ACTR3C: variants seen among roughly 807,000 people sequenced by gnomAD.
ACTR3C encodes actin related protein 3C.
A neutral mutation model predicts 26.3 loss-of-function variants in ACTR3C; 18 were observed. That is an observed-to-expected ratio of 0.68 (90% CI 0.47 to 1.01). The LOEUF (loss-of-function observed/expected upper bound fraction) is 1.01, where lower values mean the gene tolerates loss of function less well. ACTR3C is among the 50% of genes least tolerant of loss of function. The pLI is 0.00. For missense variants in ACTR3C, 184 were observed against 250.7 expected, an observed-to-expected ratio of 0.73 and a Z score of 1.80; for synonymous variants, 55 against 94.5, an observed-to-expected ratio of 0.58 and a Z score of 2.42.
the ACTR3C span, among the ~76,000 whole-genome samples, chr7:149,931,869 G>A: frequency 6.6e-6 from 1 of 152,276 alleles, no homozygotes; most frequent in African/African-American, 2.4e-5. Context: ...TTTTATGGTA[G>A]GATAAGGAAG....
At chr7:150,173,623 T>G in the ACTR3C span, among the ~76,000 whole-genome samples, 96 of 146,112 alleles carry the variant, frequency 6.6e-4, no homozygotes, top group Non-Finnish European at 1.2e-3. Context: ...GGTTCCTCAT[T>G]ACTTATGCAC....
chr7:150,119,266 T>C, the ACTR3C span, among the ~76,000 whole-genome samples: 1 of 152,172 alleles, frequency 6.6e-6, no homozygotes. Flanking sequence ...ATGCACTAAA[T>C]GCCCCAATTA....
chr7:150,291,785 G>T lies in ACTR3C; in HGVS notation c.153+1527C>A, dbSNP rs558489829. Among the ~76,000 whole-genome samples, 551 of 151,928 alleles carry T rather than the reference G, an allele frequency of 3.6e-3. 6 individuals carry two copies. The highest frequency in any genetic ancestry group is 0.013 in the African/African-American group (519 of 41,296). Reference sequence around the variant, plus strand: ...TGAGGAAATGGCAGCCTGAGTTCTCGGTGAGTGCTCTGCACCCAGGGCACT... The same window carrying T: ...TGAGGAAATGGCAGCCTGAGTTCTCTGTGAGTGCTCTGCACCCAGGGCACT... On this transcript the variant is annotated intron_variant, in intron 3 of 7. Coordinates refer to ENST00000683684, the MANE Select transcript of ACTR3C (RefSeq NM_001164458.2).
chr7:149,945,652 A>T, the ACTR3C span, among the ~76,000 whole-genome samples: 1 of 152,050 alleles, frequency 6.6e-6, no homozygotes, highest in East Asian at 1.9e-4. Context: ...GGCCTGGGGC[A>T]AGCATCCTGG....
the ACTR3C span, among the ~76,000 whole-genome samples, chr7:150,052,948 C>T: frequency 4.5e-5 from 4 of 88,834 alleles, 1 homozygote; most frequent in Non-Finnish European, 1.0e-4. Flanking sequence ...GTAGGCTATA[C>T]GTAGAATATA....
the ACTR3C span, among the ~76,000 whole-genome samples, chr7:149,954,956 G>A: frequency 6.6e-6 from 1 of 152,212 alleles, no homozygotes; most frequent in African/African-American, 2.4e-5. Flanking sequence ...CTGAAGGGCA[G>A]TAAATCATAT....
At chr7:150,203,567 GT>G in the ACTR3C span, among the ~76,000 whole-genome samples, 8,190 of 151,598 alleles carry the variant, frequency 0.054, 349 homozygotes, top group African/African-American at 0.11. Context: ...GTTTTTTTCT[GT>G]TTTTTTTGTT....
chr7:150,235,668 G>T, the ACTR3C span, among the ~76,000 whole-genome samples: 1 of 152,148 alleles, frequency 6.6e-6, no homozygotes, highest in Admixed American at 6.5e-5. Flanking sequence ...GGTTCATTCG[G>T]CTACCAATTT....
chr7:149,927,789 T>C, the ACTR3C span, among the ~76,000 whole-genome samples: 1 of 151,860 alleles, frequency 6.6e-6, no homozygotes, highest in African/African-American at 2.4e-5. Flanking sequence ...TAAAAATAAG[T>C]AAGCAAAATA....
intron 1 of ACTR3C, among the ~76,000 whole-genome samples, chr7:150,309,059 T>A (rs1309440310): frequency 6.6e-6 from 1 of 152,134 alleles, no homozygotes; most frequent in Non-Finnish European, 1.5e-5. Flanking sequence ...CACTGACACC[T>A]GCTTGCATCG....
At chr7:150,312,878 A>T (rs1228645990) in intron 1 of ACTR3C, among the ~76,000 whole-genome samples, 1 of 152,234 alleles carries the variant, frequency 6.6e-6, no homozygotes, top group Non-Finnish European at 1.5e-5. Flanking sequence ...ATATATGTCC[A>T]GATGGCCTGC....
chr7:150,253,542 C>T (rs1256545329), intron 6 of ACTR3C, among the ~76,000 whole-genome samples: 2 of 152,144 alleles, frequency 1.3e-5, no homozygotes, highest in Non-Finnish European at 2.9e-5. Flanking sequence ...GACATTGCAT[C>T]ATGCGTCTTT....
At chr7:150,062,421 G>T in the ACTR3C span, among the ~76,000 whole-genome samples, 1 of 129,698 alleles carries the variant, frequency 7.7e-6, no homozygotes, top group African/African-American at 3.1e-5. Flanking sequence ...GTAGAGGACA[G>T]ACTCCTTGAG....
the ACTR3C span, among the ~76,000 whole-genome samples, chr7:150,054,815 T>C: frequency 6.6e-6 from 1 of 152,264 alleles, no homozygotes; most frequent in Non-Finnish European, 1.5e-5. Context: ...GCACTGACTA[T>C]GTGCCATTCA....
At chr7:150,308,971 G>A (rs1402524723) in intron 1 of ACTR3C, among the ~76,000 whole-genome samples, 2 of 152,024 alleles carry the variant, frequency 1.3e-5, no homozygotes, top group African/African-American at 4.8e-5. Context: ...ATTTAACCTG[G>A]AGTGATTTAA....
chr7:149,964,316 T>C, the ACTR3C span, among the ~76,000 whole-genome samples: 2 of 152,240 alleles, frequency 1.3e-5, no homozygotes, highest in Admixed American at 1.3e-4. Flanking sequence ...AAGATCTTTT[T>C]ATCTGAGGAG....
the ACTR3C span, among the ~76,000 whole-genome samples, chr7:149,913,883 TC>T: frequency 0.28 from 30,394 of 107,560 alleles, 6,074 homozygotes; most frequent in East Asian, 0.45. Flanking sequence ...AACTCATATG[TC>T]CCTTTTTTTT....
the ACTR3C span, chr7:149,881,853 G>A: frequency 6.5e-6 from 1 of 152,870 alleles, no homozygotes; most frequent in East Asian, 1.9e-4. Context: ...GAGTGGTTGA[G>A]GTAACACAGA....
At chr7:150,075,119 TAAGA>T in the ACTR3C span, among the ~76,000 whole-genome samples, 1 of 108,528 alleles carries the variant, frequency 9.2e-6, no homozygotes, top group East Asian at 2.5e-4. Flanking sequence ...GACATTATTT[TAAGA>T]AAGGTCAGCC....
Sources: gnomAD v4.1 joint callset for allele counts (sites outside exome capture counted in the v4.1 genomes callset) on GRCh38, gnomAD v4.1.1 for gene constraint, MANE v1.5 for transcripts, NCBI Gene and HGNC (gene_info 2026-07-23, HGNC 2026-07-21) for gene names.